The following GPC6 variants were observed in gnomAD, a reference collection of about 807,000 sequenced individuals.
GPC6 encodes glypican-6.
A neutral mutation model predicts 55.2 loss-of-function variants in GPC6; 14 were observed. The observed-to-expected ratio is 0.25, with a 90% confidence interval of 0.17 to 0.40. The LOEUF is 0.40. Ranked by LOEUF, GPC6 falls within the 10% of genes least tolerant of loss-of-function variation. GPC6 has a pLI of 1.00. For synonymous variants in GPC6, 278 were observed against 259.6 expected, an observed-to-expected ratio of 1.07 and a Z score of -0.68; for missense variants, 641 against 708.5, an observed-to-expected ratio of 0.90 and a Z score of 1.08.
intron 1 of GPC6, among the ~76,000 whole-genome samples, chr13:93,502,302 AAGAG>A (rs200862032): frequency 1.3e-5 from 2 of 151,708 alleles, no homozygotes; most frequent in East Asian, 1.9e-4. Flanking sequence ...GAGAGCAAGA[AAGAG>A]AGAGAGAGAG....
chr13:93,322,431 C>CTTTTTTTTT (rs71272281), intron 1 of GPC6, among the ~76,000 whole-genome samples: 13 of 96,778 alleles, frequency 1.3e-4, no homozygotes, highest in African/African-American at 2.1e-4. Flanking sequence ...TTTCTTTCTT[C>CTTTTTTTTT]TTTTTTTTTT....
intron 4 of GPC6, among the ~76,000 whole-genome samples, chr13:94,259,649 TC>T (rs1240948532): frequency 6.6e-6 from 1 of 152,176 alleles, no homozygotes; most frequent in African/African-American, 2.4e-5. Context: ...TAAAAATAAT[TC>T]CCCATTTCCC....
intron 4 of GPC6, among the ~76,000 whole-genome samples, chr13:94,237,507 T>C (rs1890915163): frequency 6.6e-6 from 1 of 151,966 alleles, no homozygotes; most frequent in Admixed American, 6.6e-5. Flanking sequence ...GCAGCTTGGA[T>C]TGGATAGGTA....
chr13:93,305,481 G>C (rs916348746), intron 1 of GPC6, among the ~76,000 whole-genome samples: 19 of 152,106 alleles, frequency 1.2e-4, no homozygotes, highest in Admixed American at 7.9e-4. Context: ...ATTTACAGAA[G>C]ATGATAGAAT....
chr13:93,301,357 G>T (rs530149128), intron 1 of GPC6, among the ~76,000 whole-genome samples: 2 of 152,276 alleles, frequency 1.3e-5, no homozygotes, highest in East Asian at 3.9e-4. Context: ...TTTTCAAAGA[G>T]AAAACAATAT....
intron 4 of GPC6, among the ~76,000 whole-genome samples, chr13:94,055,622 T>A (rs1163726912): frequency 6.6e-6 from 1 of 152,186 alleles, no homozygotes; most frequent in Non-Finnish European, 1.5e-5. Context: ...GTACACTTTT[T>A]AGCAAAGAAC....
chr13:93,286,081 A>G (rs1040494605), intron 1 of GPC6, among the ~76,000 whole-genome samples: 5 of 152,128 alleles, frequency 3.3e-5, no homozygotes, highest in Non-Finnish European at 5.9e-5. Context: ...AGACTGCGTA[A>G]TTTACAAAGG....
chr13:93,982,600 A>T (rs1353320357), intron 3 of GPC6, among the ~76,000 whole-genome samples: 5 of 152,168 alleles, frequency 3.3e-5, no homozygotes, highest in African/African-American at 1.2e-4. Context: ...CTCTATCCTA[A>T]CTACTTCTCT....
chr13:94,322,162 G>C (rs193054969), intron 6 of GPC6, among the ~76,000 whole-genome samples: 1 of 152,278 alleles, frequency 6.6e-6, no homozygotes, highest in East Asian at 1.9e-4. Context: ...GAGACTGTGA[G>C]GAAGTCTCAT....
intron 2 of GPC6, among the ~76,000 whole-genome samples, chr13:93,612,699 G>A (rs1878535945): frequency 6.6e-6 from 1 of 152,022 alleles, no homozygotes; most frequent in African/African-American, 2.4e-5. Flanking sequence ...TGAATATATA[G>A]GTAATGAAGA....
intron 2 of GPC6, among the ~76,000 whole-genome samples, chr13:93,717,463 A>G (rs1000435493): frequency 1.3e-5 from 2 of 151,646 alleles, no homozygotes; most frequent in East Asian, 1.9e-4. Flanking sequence ...TGAGTTTTCA[A>G]AAAGCAGGGG....
intron 1 of GPC6, among the ~76,000 whole-genome samples, chr13:93,356,570 G>A (rs1041653769): frequency 6.6e-6 from 1 of 152,136 alleles, no homozygotes; most frequent in Admixed American, 6.6e-5. Context: ...GCATTCGCAA[G>A]CACAAACATA....
At chr13:93,572,171 C>G (rs1393162214) in intron 2 of GPC6, among the ~76,000 whole-genome samples, 3 of 152,140 alleles carry the variant, frequency 2.0e-5, no homozygotes, top group African/African-American at 4.8e-5. Context: ...AGCACAGTAC[C>G]TGTAGACTTT....
intron 4 of GPC6, among the ~76,000 whole-genome samples, chr13:94,034,030 A>G (rs1360212111): frequency 1.3e-5 from 2 of 152,054 alleles, no homozygotes; most frequent in East Asian, 1.9e-4. Flanking sequence ...AACAAAGAAC[A>G]CTGTTTTCTG....
Position 94,023,039 on chromosome 13 carries a change from TA to T in GPC6, c.712-4684del, listed in dbSNP as rs1489397822. 2.6e-5 allele frequency among the ~76,000 whole-genome samples: 4 copies of T among 152,150 alleles called. No homozygotes were observed. The East Asian group carries it at 7.7e-4, about 29-fold the overall frequency. The stretch of plus-strand genomic sequence containing the variant: ...TCTGGAAAGTTACAGCTACATTATT[TA>T]AAAAATAAACAAAAATCCACATTAC... On this transcript the variant is annotated intron_variant, in intron 3 of 8. Transcript: ENST00000377047.
chr13:93,628,452 C>G lies in GPC6; in HGVS notation c.319+83031C>G, dbSNP rs7335523. The stretch of plus-strand genomic sequence containing the variant: ...TGTAGTCTGCCAACATGCACCCTTT[C>G]GAAGGGGCTATCAGTGAAGAGGTTT... On this transcript the variant is annotated intron_variant, in intron 2 of 8. Coordinates refer to ENST00000377047, the MANE Select transcript of GPC6 (RefSeq NM_005708.5). 3.9e-5 allele frequency among the ~76,000 whole-genome samples: 6 copies of G among 152,116 alleles called. No homozygotes were observed. In the East Asian group the frequency reaches 5.8e-4, roughly 15 times the overall value.
chr13:94,074,719 C>A (rs1201676118), intron 4 of GPC6, among the ~76,000 whole-genome samples: 1 of 152,154 alleles, frequency 6.6e-6, no homozygotes. Context: ...GTAGAGGTCT[C>A]TTGGAATTTG....
At chr13:94,056,352 C>G (rs1884133945) in intron 4 of GPC6, among the ~76,000 whole-genome samples, 1 of 152,020 alleles carries the variant, frequency 6.6e-6, no homozygotes, top group Admixed American at 6.6e-5. Context: ...GAATGAGTAC[C>G]CAGTCCTATA....
chr13:93,490,513 A>C (rs1403627270), intron 1 of GPC6, among the ~76,000 whole-genome samples: 13 of 9,458 alleles, frequency 1.4e-3, no homozygotes, highest in Non-Finnish European at 2.0e-3. Flanking sequence ...TTTTTTTTTG[A>C]GTTTTTTTTT....
Sources: allele counts gnomAD v4.1 joint callset (sites outside exome capture counted in the v4.1 genomes callset), GRCh38; gene constraint gnomAD v4.1.1; transcripts MANE v1.5; gene names NCBI Gene and HGNC (gene_info 2026-07-23, HGNC 2026-07-21).